The following CRADD variants were observed in gnomAD, a reference collection of about 807,000 sequenced individuals.
CRADD encodes CARD and death domain containing adaptor protein, also known as death domain-containing protein CRADD.
CRADD carries 9 observed loss-of-function variants against 15.5 expected under a neutral mutation model. That is an observed-to-expected ratio of 0.58 (90% CI 0.35 to 1.01). The LOEUF is 1.01. CRADD is among the 50% of genes least tolerant of loss of function. The probability of loss-of-function intolerance (pLI) is 0.02; values close to 1 mark genes in which losing one functional copy is unlikely to be tolerated. For synonymous variants in CRADD, 118 were observed against 107.6 expected (o/e 1.10, Z -0.60); for missense variants, 227 against 250.3 (o/e 0.91, Z 0.63).
intron 2 of CRADD, among the ~76,000 whole-genome samples, chr12:93,790,222 A>G (rs1359903118): frequency 6.6e-6 from 1 of 152,146 alleles, no homozygotes; most frequent in Non-Finnish European, 1.5e-5. Flanking sequence ...AAAACAACAT[A>G]CATTATCATT....
chr12:93,883,699 G>A (rs1174120639), intron 2 of CRADD, among the ~76,000 whole-genome samples: 1 of 152,134 alleles, frequency 6.6e-6, no homozygotes, highest in Non-Finnish European at 1.5e-5. Flanking sequence ...CTGGCATGGT[G>A]GCACATGCCT....
At chr12:93,801,154 G>A (rs1347575670) in intron 2 of CRADD, among the ~76,000 whole-genome samples, 1 of 152,186 alleles carries the variant, frequency 6.6e-6, no homozygotes, top group Non-Finnish European at 1.5e-5. Context: ...ATCATAGATT[G>A]ATTGGAGGTT....
chr12:93,850,331 T>C lies in CRADD; in HGVS notation c.*60T>C. The C allele has an allele frequency of 6.6e-7, 1 of 1,520,910 alleles. No individual in the cohort carries two copies. The highest frequency in any genetic ancestry group is 8.8e-7 in the Non-Finnish European group (1 of 1,138,216). The allele number at this position is 1,520,910 out of a possible 1,614,324, so 94.2% of individuals were successfully genotyped here. On this transcript the variant is annotated 3_prime_UTR_variant, in exon 3 of 3. Transcript: ENST00000332896. This position sits in a 1 kb window ranked among gnomAD's most constrained non-coding sequence, Gnocchi z 4.0. Reference sequence around the variant, plus strand: ...TGAGTCATGTGGGCTGAATCCTGACTTTCACTCAGAGCAGGTGGTTTTTTG... The same window carrying C: ...TGAGTCATGTGGGCTGAATCCTGACCTTCACTCAGAGCAGGTGGTTTTTTG...
chr12:93,810,955 C>A (rs564433689), intron 2 of CRADD, among the ~76,000 whole-genome samples: 1 of 152,320 alleles, frequency 6.6e-6, no homozygotes, highest in Admixed American at 6.5e-5. Flanking sequence ...GAAGCATTTG[C>A]AAGTGACTAA....
At chr12:93,777,206 G>A (rs1289365242) in intron 2 of CRADD, among the ~76,000 whole-genome samples, 1 of 152,208 alleles carries the variant, frequency 6.6e-6, no homozygotes, top group African/African-American at 2.4e-5. Flanking sequence ...AGGCTATGCT[G>A]AGCCAGGTAT....
chr12:93,783,007 A>T (rs1193613022), intron 2 of CRADD, among the ~76,000 whole-genome samples: 1 of 152,118 alleles, frequency 6.6e-6, no homozygotes, highest in Non-Finnish European at 1.5e-5. Flanking sequence ...TTCACATAAT[A>T]AAAACAGTCA....
At chr12:93,770,386 C>G (rs1014620307) in intron 2 of CRADD, among the ~76,000 whole-genome samples, 1 of 152,124 alleles carries the variant, frequency 6.6e-6, no homozygotes. Flanking sequence ...CGTGAGCCAC[C>G]GCGCCCGGCC....
chr12:93,684,641 C>G (rs1046804367), intron 2 of CRADD, among the ~76,000 whole-genome samples: 3 of 152,100 alleles, frequency 2.0e-5, no homozygotes, highest in African/African-American at 7.2e-5. Flanking sequence ...AGGGCAGGGA[C>G]AGATAATAAG....
At chr12:93,814,975 A>C (rs1247403827) in intron 2 of CRADD, among the ~76,000 whole-genome samples, 1 of 152,162 alleles carries the variant, frequency 6.6e-6, no homozygotes, top group Non-Finnish European at 1.5e-5. Flanking sequence ...GGTTGGAATC[A>C]CCCCCTTGGG....
chr12:93,706,252 C>T (rs1384597949), intron 2 of CRADD, among the ~76,000 whole-genome samples: 1 of 152,068 alleles, frequency 6.6e-6, no homozygotes, highest in African/African-American at 2.4e-5. Flanking sequence ...ATTGCCATGC[C>T]CTTAGCTTTC....
intron 2 of CRADD, among the ~76,000 whole-genome samples, chr12:93,771,047 T>C (rs1957080918): frequency 6.6e-6 from 1 of 152,256 alleles, no homozygotes; most frequent in Admixed American, 6.5e-5. Flanking sequence ...ACATAATTCT[T>C]TCCAATGGCT....
At chr12:93,799,434 A>G (rs1347914206) in intron 2 of CRADD, among the ~76,000 whole-genome samples, 1 of 152,350 alleles carries the variant, frequency 6.6e-6, no homozygotes, top group African/African-American at 2.4e-5. Context: ...CCCTTTCTGC[A>G]TAGGGAGTAC....
intron 2 of CRADD, among the ~76,000 whole-genome samples, chr12:93,689,206 A>G (rs1397931040): frequency 1.3e-5 from 2 of 152,216 alleles, no homozygotes; most frequent in Admixed American, 1.3e-4. Context: ...AAATCTTGCT[A>G]TCTAAAGCCC....
chr12:93,696,116 G>A (rs10859556), intron 2 of CRADD, among the ~76,000 whole-genome samples: 7,958 of 152,252 alleles, frequency 0.052, 558 homozygotes, highest in African/African-American at 0.16. Flanking sequence ...TGTGGAGAAA[G>A]TGGAACCTTT....
At chr12:93,700,646 G>A (rs1236305671) in intron 2 of CRADD, among the ~76,000 whole-genome samples, 1 of 152,134 alleles carries the variant, frequency 6.6e-6, no homozygotes, top group African/African-American at 2.4e-5. Context: ...TAGCCAGGCT[G>A]GTCTCGATCT....
At chr12:93,802,646 T>C (rs1288940271) in intron 2 of CRADD, among the ~76,000 whole-genome samples, 1 of 152,200 alleles carries the variant, frequency 6.6e-6, no homozygotes, top group East Asian at 1.9e-4. Flanking sequence ...GGCCTCTGAA[T>C]GTCCTCTTCG....
Position 93,887,977 on chromosome 12 carries a change from G to A in CRADD, c.299-6073G>A, listed in dbSNP as rs576385289. On this transcript the variant is annotated intron_variant, in intron 2 of 2. Coordinates refer to the CRADD transcript ENST00000548483. ...TTGGAAAGTCAGCAAAAGCTTCCCGGTTAAAGTGCCACCTGAGCTGAGACC... is the reference window on the plus strand; with the variant it reads ...TTGGAAAGTCAGCAAAAGCTTCCCGATTAAAGTGCCACCTGAGCTGAGACC... 5.6e-4 allele frequency among the ~76,000 whole-genome samples: 86 copies of A among 152,274 alleles called. 1 individual carries two copies. Among genetic ancestry groups the A allele is most frequent in the African/African-American group, 1.9e-3 (78 of 41,552 alleles).
chr12:93,868,522 T>C (rs1315015101), intron 2 of CRADD, among the ~76,000 whole-genome samples: 1 of 152,182 alleles, frequency 6.6e-6, no homozygotes, highest in Non-Finnish European at 1.5e-5. Context: ...AATATGTTGT[T>C]CAACTTTACC....
rs369771285 is a variant in CRADD at position 93,849,952 on chromosome 12, T to G, written c.299-18T>G. 5 of 1,469,990 alleles carry G rather than the reference T, an allele frequency of 3.4e-6. No individual in the cohort carries two copies. Among genetic ancestry groups the G allele is most frequent in the African/African-American group, 2.8e-5 (2 of 71,928 alleles). 91.1% of individuals were successfully genotyped at this position (1,469,990 alleles called of 1,614,324 possible). A position where few individuals can be genotyped will look rare whatever the true frequency, so the allele number is the denominator to read the frequency against. ...TGTTGCCTTGCTCATTTCACCGGGGTGTCTTTTTCCTCCTCAGGTGACAGA... is the reference window on the plus strand; with the variant it reads ...TGTTGCCTTGCTCATTTCACCGGGGGGTCTTTTTCCTCCTCAGGTGACAGA... On this transcript the variant is annotated intron_variant, in intron 2 of 2. Transcript: ENST00000332896.
Sources: gnomAD v4.1 joint callset for allele counts (sites outside exome capture counted in the v4.1 genomes callset) on GRCh38, gnomAD v4.1.1 for gene constraint, Gnocchi (gnomAD v3.1) non-coding constraint, MANE v1.5 for transcripts, NCBI Gene and HGNC (gene_info 2026-07-23, HGNC 2026-07-21) for gene names.